Variants in AKAP10 observed in about 807,000 individuals in gnomAD.
AKAP10 encodes the protein A-kinase anchor protein 10, mitochondrial.
Under a neutral mutation model 80.8 loss-of-function variants are expected in AKAP10, and 24 were observed. That is an observed-to-expected ratio of 0.30 (90% CI 0.22 to 0.42). AKAP10 has a LOEUF of 0.42. AKAP10 is among the 10% of genes least tolerant of loss of function. The pLI is 1.00. For synonymous variants in AKAP10, 291 were observed against 277.7 expected, an observed-to-expected ratio of 1.05 and a Z score of -0.48; for missense variants, 661 against 794.9, an observed-to-expected ratio of 0.83 and a Z score of 2.03.
intron 3 of AKAP10, among the ~76,000 whole-genome samples, chr17:19,961,580 G>C (rs749625829): frequency 1.1e-4 from 16 of 152,118 alleles, no homozygotes; most frequent in Non-Finnish European, 5.9e-5. Context: ...AAGCAGGACT[G>C]ATTTTATTAG....
At chr17:19,969,948 G>A (rs1367118032) in intron 1 of AKAP10, among the ~76,000 whole-genome samples, 1 of 152,126 alleles carries the variant, frequency 6.6e-6, no homozygotes, top group Non-Finnish European at 1.5e-5. Flanking sequence ...ACATTAACTT[G>A]TCTTGGCTTC....
intron 3 of AKAP10, among the ~76,000 whole-genome samples, chr17:19,961,018 A>G (rs1250900683): frequency 1.4e-5 from 2 of 145,460 alleles, no homozygotes; most frequent in African/African-American, 5.4e-5. Context: ...CTCCGTCTAC[A>G]AATAAATAAA....
At position 19,958,208 on chromosome 17, in the gene AKAP10, C is replaced by G; in HGVS notation, c.683G>C (p.Arg228Thr). The change falls in exon 4 of 15, where the codon AGA becomes ACA. Residue 228 changes from arginine to threonine, a missense_variant. Physicochemically the swap from Arg to Thr is moderately conservative, Grantham distance 71. Transcript: ENST00000225737. ...THSEGIDLNNRTNSTQNHLLL... is the reference protein window; with the variant it reads ...THSEGIDLNNTTNSTQNHLLL... ...CAAGTGATTCTGAGTGCTGTTAGTTCTATTATTCAGGTCAATTCCTTCTGA... is the reference window on the plus strand; with the variant it reads ...CAAGTGATTCTGAGTGCTGTTAGTTGTATTATTCAGGTCAATTCCTTCTGA... The G allele has an allele frequency of 6.2e-6, 10 of 1,614,112 alleles. No homozygotes were observed. Among genetic ancestry groups the G allele is most frequent in the Non-Finnish European group, 8.5e-6 (10 of 1,180,030 alleles).
intron 11 of AKAP10, among the ~76,000 whole-genome samples, chr17:19,920,887 C>CAAAAAAAAAAAAAAAA (rs2042805303): frequency 1.3e-4 from 9 of 66,864 alleles, no homozygotes; most frequent in African/African-American, 5.7e-4. Context: ...AAAAAAAAAG[C>CAAAAAAAAAAAAAAAA]AAAAAATACA....
intron 2 of AKAP10, among the ~76,000 whole-genome samples, chr17:19,964,207 C>T (rs1009258907): frequency 2.6e-5 from 4 of 152,170 alleles, no homozygotes; most frequent in Non-Finnish European, 4.4e-5. Flanking sequence ...GAGACTCTCG[C>T]ATTGTTTCTT....
intron 8 of AKAP10, among the ~76,000 whole-genome samples, chr17:19,936,995 G>A (rs2042999219): frequency 6.6e-6 from 1 of 151,938 alleles, no homozygotes. Flanking sequence ...TGTGGAAAGG[G>A]AGTAACCAAT....
Position 19,924,413 on chromosome 17 carries a change from A to G in AKAP10, c.1746T>C (p.Tyr582=). ...TAGGCATGAGCTAAGCTTACCCGGC[A>G]TATGTCCGTTGATATAAAGATTCTG... is the stretch of plus-strand genomic sequence containing the variant. ...LDPESLYQRT[Y]AGKMTFGRVS... Residue 582 remains tyrosine (Y), a synonymous_variant, in exon 11 of 15, where the codon TAT becomes TAC. Coordinates refer to ENST00000225737, the MANE Select transcript of AKAP10 (RefSeq NM_007202.4). 6.3e-7 allele frequency: 1 copy of G among 1,587,296 alleles called. No homozygotes were observed. The highest frequency in any genetic ancestry group is 8.6e-7 in the Non-Finnish European group (1 of 1,165,298).
intron 11 of AKAP10, 40 bp from the exon 12 acceptor site, chr17:19,920,158 C>T (rs1567753580): frequency 1.4e-6 from 2 of 1,454,364 alleles, no homozygotes; most frequent in South Asian, 2.4e-5. Context: ...TTCTAACAAT[C>T]AGTTTTAAAT....
Position 19,932,449 on chromosome 17 carries a change from TA to T in AKAP10, c.1468-472del, listed in dbSNP as rs764580259. 7.4e-3 allele frequency among the ~76,000 whole-genome samples: 730 copies of T among 98,780 alleles called. 15 individuals carry two copies. In the East Asian group the frequency reaches 0.091, roughly 12 times the overall value. 64.8% of individuals were successfully genotyped at this position (98,780 alleles called of 152,430 possible). A position where few individuals can be genotyped will look rare whatever the true frequency, so the allele number is the denominator to read the frequency against. On this transcript the variant is annotated intron_variant, in intron 9 of 14. Transcript: ENST00000225737. ...GCCTGGACGCTGGAGCAAGACTGTCTAAAAAAAAAAAAAAAAAAAAAATTAC... is the reference window on the plus strand; with the variant it reads ...GCCTGGACGCTGGAGCAAGACTGTCTAAAAAAAAAAAAAAAAAAAAATTAC...
intron 4 of AKAP10, among the ~76,000 whole-genome samples, chr17:19,953,072 A>G (rs1292593652): frequency 1.3e-5 from 2 of 152,154 alleles, no homozygotes; most frequent in East Asian, 3.8e-4. Flanking sequence ...TTCTCTGACC[A>G]TAATATAATG....
chr17:19,928,337 A>G (rs2042896364), intron 10 of AKAP10, among the ~76,000 whole-genome samples: 1 of 152,262 alleles, frequency 6.6e-6, no homozygotes, highest in Non-Finnish European at 1.5e-5. Context: ...GCTCAACATC[A>G]TTACTCATCA....
intron 5 of AKAP10, among the ~76,000 whole-genome samples, chr17:19,945,451 A>G (rs1381240194): frequency 6.6e-6 from 1 of 152,168 alleles, no homozygotes; most frequent in Non-Finnish European, 1.5e-5. Context: ...GCAAATTCCC[A>G]CATAAAAATA....
Position 19,977,698 on chromosome 17 carries a change from T to A in AKAP10, c.-19A>T. On this transcript the variant is annotated 5_prime_UTR_variant, in exon 1 of 15. In the 5' UTR this introduces an upstream ATG that the reference lacks. Coordinates refer to ENST00000225737, the MANE Select transcript of AKAP10 (RefSeq NM_007202.4). Reference sequence around the variant, plus strand: ...CCCTCATTCAGCAACCGGCCCGGACTTCCGGGTCCAGAGGGGCCGCTGCAC... The same window carrying A: ...CCCTCATTCAGCAACCGGCCCGGACATCCGGGTCCAGAGGGGCCGCTGCAC... 8.1e-7 allele frequency: 1 copy of A among 1,231,548 alleles called. No individual in the cohort carries two copies. Among genetic ancestry groups the A allele is most frequent in the African/African-American group, 1.6e-5 (1 of 64,498 alleles). 76.3% of individuals were successfully genotyped at this position (1,231,548 alleles called of 1,614,324 possible). A position where few individuals can be genotyped will look rare whatever the true frequency, so the allele number is the denominator to read the frequency against.
At chr17:19,951,760 A>T (rs1426806106) in intron 4 of AKAP10, among the ~76,000 whole-genome samples, 1 of 152,098 alleles carries the variant, frequency 6.6e-6, no homozygotes, top group Non-Finnish European at 1.5e-5. Flanking sequence ...AACACTGCAG[A>T]AGGCCGCAGG....
At chr17:19,968,757 TA>T (rs1434008241) in intron 1 of AKAP10, among the ~76,000 whole-genome samples, 1 of 152,172 alleles carries the variant, frequency 6.6e-6, no homozygotes, top group Non-Finnish European at 1.5e-5. Flanking sequence ...TTGGACAAGT[TA>T]CTTACTTCTC....
At chr17:19,970,738 G>A (rs556997628) in intron 1 of AKAP10, among the ~76,000 whole-genome samples, 1 of 152,106 alleles carries the variant, frequency 6.6e-6, no homozygotes, top group Admixed American at 6.5e-5. Flanking sequence ...CAGAAGAATC[G>A]CTTGAACCCG....
chr17:19,977,547 C>A (rs2043586603), intron 1 of AKAP10, 45 bp downstream of exon 1: 1 of 1,221,012 alleles, frequency 8.2e-7, no homozygotes, highest in Non-Finnish European at 1.0e-6. Flanking sequence ...CCCACCGCCG[C>A]CCCTGAGGCC....
At position 19,968,455 on chromosome 17, in the gene AKAP10, C is replaced by T; in HGVS notation, c.95G>A (p.Gly32Asp). The T allele has an allele frequency of 6.2e-7, 1 of 1,613,494 alleles. No homozygotes were observed. Among genetic ancestry groups the T allele is most frequent in the Admixed American group, 1.7e-5 (1 of 59,964 alleles). Residue 32 changes from glycine to aspartate, a missense_variant, in exon 2 of 15, where the codon GGC (glycine) becomes GAC (aspartate). By Grantham distance (94) the Gly-to-Asp change is moderately conservative. Transcript: ENST00000225737. ...ATCTGAGGTCTTCTCTTGTTCTTTG[C>T]CTTTCACTAGAACATAAAAAGATAA... ...AMSFFRRKVK[G>D]KEQEKTSDVK... is the part of the protein sequence containing the mutation.
chr17:19,930,899 C>T (rs148333427), intron 10 of AKAP10, among the ~76,000 whole-genome samples: 1,817 of 152,020 alleles, frequency 0.012, 25 homozygotes, highest in African/African-American at 0.041. Flanking sequence ...TTAGTAGAGA[C>T]GGGGTTTCAC....
Sources: allele counts gnomAD v4.1 joint callset (sites outside exome capture counted in the v4.1 genomes callset), GRCh38; gene constraint gnomAD v4.1.1; transcripts MANE v1.5; gene names NCBI Gene and HGNC (gene_info 2026-07-23, HGNC 2026-07-21).